Variants in GREB1L observed in about 807,000 individuals in gnomAD.
GREB1L encodes GREB1 like retinoic acid receptor coactivator.
GREB1L carries 17 observed loss-of-function variants against 200.8 expected under a neutral mutation model. That is an observed-to-expected ratio of 0.08 (90% CI 0.06 to 0.13). The LOEUF is 0.13. Ranked by LOEUF, GREB1L falls within the 10% of genes least tolerant of loss-of-function variation. The probability of loss-of-function intolerance (pLI) is 1.00; values close to 1 mark genes in which losing one functional copy is unlikely to be tolerated. For synonymous variants in GREB1L, 789 were observed against 893.0 expected, an observed-to-expected ratio of 0.88 and a Z score of 2.08; for missense variants, 1,657 against 2,367.7, an observed-to-expected ratio of 0.70 and a Z score of 6.23.
chr18:21,438,388 T>G (rs1428530147), intron 7 of GREB1L, among the ~76,000 whole-genome samples: 1 of 152,046 alleles, frequency 6.6e-6, no homozygotes, highest in Admixed American at 6.5e-5. Flanking sequence ...CATAAGACCA[T>G]GTGTGGTGGC....
At chr18:21,376,141 T>C (rs2040060888) in intron 2 of GREB1L, among the ~76,000 whole-genome samples, 2 of 152,156 alleles carry the variant, frequency 1.3e-5, no homozygotes, top group African/African-American at 2.4e-5. Flanking sequence ...TTTTTTGAGA[T>C]GGAGTTTTGC....
At chr18:21,508,648 C>G in intron 27 of GREB1L, 57 bp downstream of exon 27, 3 of 1,437,206 alleles carry the variant, frequency 2.1e-6, no homozygotes, top group East Asian at 2.5e-5. Flanking sequence ...GAGCTCCATT[C>G]CCCTGGCATG....
rs1476654294 is a variant in GREB1L, at chr18:21,383,524, G to C, written c.6G>C (p.Gly2=). The C allele has an allele frequency of 2.0e-6, 3 of 1,531,526 alleles. No individual in the cohort carries two copies. The highest frequency in any genetic ancestry group is 1.4e-5 in the African/African-American group (1 of 71,126). The allele number at this position is 1,531,526 out of a possible 1,614,324, so 94.9% of individuals were successfully genotyped here. The part of the protein sequence containing the change: M[G]NSYAGQLKSA... ...GGGATGGGTAGGTGTAGATCATGGG[G>C]AATTCATATGCTGGGCAACTGAAAT... Residue 2 remains glycine (G), a synonymous_variant, in exon 3 of 33, where the codon GGG becomes GGC. Transcript: ENST00000424526.
At chr18:21,298,541 G>A (rs2038566481) in intron 1 of GREB1L, among the ~76,000 whole-genome samples, 1 of 152,150 alleles carries the variant, frequency 6.6e-6, no homozygotes, top group East Asian at 1.9e-4. Flanking sequence ...AAATAATGAT[G>A]ATTTTCTAAG....
rs376365717 is a variant in GREB1L, at chr18:21,401,092, G to A, written c.533-58G>A. 522 of 1,367,458 alleles carry A rather than the reference G, an allele frequency of 3.8e-4. 1 individual carries two copies. The African/African-American group carries it at 6.8e-3, about 18-fold the overall frequency. 84.7% of individuals were successfully genotyped at this position (1,367,458 alleles called of 1,614,324 possible). On this transcript the variant is annotated intron_variant, in intron 5 of 32. Coordinates refer to ENST00000424526, the MANE Select transcript of GREB1L (RefSeq NM_001142966.3). ...TGAATGTTTCTATGCTGTTTAATAC[G>A]TAAAAGTATTGTATCAACTTACAAG...
chr18:21,270,112 C>T lies in GREB1L; in HGVS notation c.-120+27719C>T, dbSNP rs78512648. On this transcript the variant is annotated intron_variant, in intron 1 of 32. Coordinates refer to ENST00000424526, the MANE Select transcript of GREB1L (RefSeq NM_001142966.3). ...ATTTAGGAAAATATATTGAACATAT[C>T]GTTTGGTACTTTGGAGATTGATGAA... Among the ~76,000 whole-genome samples, 117 of 152,214 alleles carry T rather than the reference C, an allele frequency of 7.7e-4. 1 individual carries two copies. The East Asian group carries it at 0.019, about 25-fold the overall frequency.
intron 2 of GREB1L, among the ~76,000 whole-genome samples, chr18:21,369,320 T>A (rs1478854760): frequency 6.6e-6 from 1 of 152,144 alleles, no homozygotes; most frequent in Non-Finnish European, 1.5e-5. Context: ...TATTGACTGT[T>A]CTCCCTGTTG....
At chr18:21,368,541 T>C (rs1043025153) in intron 2 of GREB1L, among the ~76,000 whole-genome samples, 6 of 152,214 alleles carry the variant, frequency 3.9e-5, no homozygotes, top group African/African-American at 1.4e-4. Context: ...CTTCTTTTAT[T>C]ACTTACTCTC....
intron 1 of GREB1L, among the ~76,000 whole-genome samples, chr18:21,343,684 C>T (rs1192683072): frequency 6.6e-6 from 1 of 151,586 alleles, no homozygotes; most frequent in Non-Finnish European, 1.5e-5. Flanking sequence ...GACATGTCCT[C>T]GCTACCTCTT....
intron 30 of GREB1L, among the ~76,000 whole-genome samples, chr18:21,516,994 C>T (rs2037443536): frequency 6.6e-6 from 1 of 151,720 alleles, no homozygotes; most frequent in South Asian, 2.1e-4. Flanking sequence ...GTACCTCAGC[C>T]TCCCAAGTAG....
At chr18:21,377,562 G>A (rs1198244846) in intron 2 of GREB1L, among the ~76,000 whole-genome samples, 1 of 152,144 alleles carries the variant, frequency 6.6e-6, no homozygotes, top group East Asian at 1.9e-4. Context: ...GACCACCTGA[G>A]GTCAGGAGCT....
intron 5 of GREB1L, among the ~76,000 whole-genome samples, chr18:21,395,940 G>T (rs2041041532): frequency 1.3e-5 from 2 of 151,908 alleles, no homozygotes; most frequent in South Asian, 4.2e-4. Context: ...ATATTGGCCG[G>T]AGTGGTCTTA....
chr18:21,389,361 G>T (rs2040694356), intron 4 of GREB1L, among the ~76,000 whole-genome samples: 4 of 106,814 alleles, frequency 3.7e-5, no homozygotes, highest in East Asian at 3.3e-4. Context: ...TCATCAAATA[G>T]GAATTTTCTC....
chr18:21,304,982 C>A (rs79010148), intron 1 of GREB1L, among the ~76,000 whole-genome samples: 2 of 144,644 alleles, frequency 1.4e-5, no homozygotes, highest in African/African-American at 5.0e-5. Context: ...CTGTGTTAAT[C>A]TTTTTTTTTT....
chr18:21,301,728 AAAAC>A lies in GREB1L; in HGVS notation c.-120+59340_-120+59343del, dbSNP rs551553031. Among the ~76,000 whole-genome samples the A allele has an allele frequency of 1.7e-3, 253 of 152,378 alleles. 1 individual carries two copies. Among genetic ancestry groups the A allele is most frequent in the African/African-American group, 5.9e-3 (244 of 41,594 alleles). On this transcript the variant is annotated intron_variant, in intron 1 of 32. Coordinates refer to ENST00000424526, the MANE Select transcript of GREB1L (RefSeq NM_001142966.3). ...AGCTGGTTATGATATTTGATGAGAT[AAAAC>A]AAACGAACTTTTTTTCAGATTTATT...
chr18:21,447,754 A>G (rs1267015700), intron 11 of GREB1L, among the ~76,000 whole-genome samples: 1 of 152,164 alleles, frequency 6.6e-6, no homozygotes, highest in Non-Finnish European at 1.5e-5. Context: ...GTGTTTACCT[A>G]GTGACAATTA....
At chr18:21,419,925 A>G (rs1486520448) in intron 7 of GREB1L, among the ~76,000 whole-genome samples, 1 of 152,248 alleles carries the variant, frequency 6.6e-6, no homozygotes, top group African/African-American at 2.4e-5. Context: ...ACCAAAAACT[A>G]TGCAACTTGT....
At chr18:21,413,916 C>T (rs1449851489) in intron 7 of GREB1L, among the ~76,000 whole-genome samples, 1 of 152,138 alleles carries the variant, frequency 6.6e-6, no homozygotes. Flanking sequence ...TATTTTATTT[C>T]AGTGTTAAAA....
intron 7 of GREB1L, among the ~76,000 whole-genome samples, chr18:21,409,560 A>G (rs2030710627): frequency 6.6e-6 from 1 of 152,226 alleles, no homozygotes; most frequent in Admixed American, 6.5e-5. Flanking sequence ...AAAATAGATT[A>G]AAAAGCTGCT....
Sources: gnomAD v4.1 joint callset for allele counts (sites outside exome capture counted in the v4.1 genomes callset) on GRCh38, gnomAD v4.1.1 for gene constraint, MANE v1.5 for transcripts, NCBI Gene and HGNC (gene_info 2026-07-23, HGNC 2026-07-21) for gene names.